Variants in RSRC1 observed in about 807,000 individuals in gnomAD.
The protein encoded by RSRC1 is serine/Arginine-related protein 53.
In RSRC1, 39 loss-of-function variants were observed where a neutral mutation model predicts 49.1. The observed-to-expected ratio is 0.79, with a 90% CI of 0.61 to 1.04. The LOEUF is 1.04. RSRC1 is among the 50% of genes least tolerant of loss of function. The pLI is 0.00. For synonymous variants in RSRC1, 143 were observed against 130.8 expected, an observed-to-expected ratio of 1.09 and a Z score of -0.63; for missense variants, 388 against 402.4, an observed-to-expected ratio of 0.96 and a Z score of 0.31.
chr3:158,218,522 G>A (rs1391962381), intron 4 of RSRC1, among the ~76,000 whole-genome samples: 1 of 151,686 alleles, frequency 6.6e-6, no homozygotes, highest in Admixed American at 6.6e-5. Flanking sequence ...TACATTGGAA[G>A]ATGGCAGGGT....
At chr3:158,414,726 A>G (rs1398848087) in intron 6 of RSRC1, among the ~76,000 whole-genome samples, 3 of 141,712 alleles carry the variant, frequency 2.1e-5, no homozygotes, top group Middle Eastern at 3.5e-3. Flanking sequence ...TGTTTCTTAG[A>G]AAAAAAAATA....
At chr3:158,225,656 G>T in intron 4 of RSRC1, 1 of 450,546 alleles carries the variant, frequency 2.2e-6, no homozygotes, top group Non-Finnish European at 4.4e-6. Flanking sequence ...CTTTCTCACA[G>T]ATTTCACCAA....
chr3:158,467,134 C>T (rs181097017), intron 7 of RSRC1, among the ~76,000 whole-genome samples: 8 of 152,250 alleles, frequency 5.3e-5, no homozygotes, highest in East Asian at 3.9e-4. Context: ...AAGAGTATGA[C>T]GATTATTCTT....
chr3:158,160,747 A>G (rs1022337965), intron 3 of RSRC1, among the ~76,000 whole-genome samples: 3 of 152,198 alleles, frequency 2.0e-5, no homozygotes, highest in African/African-American at 7.2e-5. Context: ...AAATAGCTTG[A>G]CTTCAAGAAG....
intron 3 of RSRC1, among the ~76,000 whole-genome samples, chr3:158,185,386 A>G (rs534355581): frequency 1.3e-5 from 2 of 151,946 alleles, no homozygotes; most frequent in African/African-American, 4.8e-5. Context: ...TATTTTGGAA[A>G]ATTGTCATTT....
Position 158,262,752 on chromosome 3 carries a change from G to A in RSRC1, c.495-35287G>A, listed in dbSNP as rs183290808. On this transcript the variant is annotated intron_variant, in intron 4 of 9. Transcript: ENST00000611884. ...AAATTTTTTTCACCAATATTTTGTAGCATATACTTTAGAAGGTCTCTGACA... is the reference window on the plus strand; with the variant it reads ...AAATTTTTTTCACCAATATTTTGTAACATATACTTTAGAAGGTCTCTGACA... 7.9e-5 allele frequency among the ~76,000 whole-genome samples: 12 copies of A among 151,804 alleles called. No homozygotes were observed. In the East Asian group the frequency reaches 2.1e-3, roughly 27 times the overall value.
chr3:158,146,973 C>T (rs144389741), intron 3 of RSRC1, among the ~76,000 whole-genome samples: 123 of 152,066 alleles, frequency 8.1e-4, no homozygotes, highest in African/African-American at 2.8e-3. Flanking sequence ...AATATATACA[C>T]AGTACCTAGA....
At chr3:158,485,879 AT>A (rs1738799003) in intron 7 of RSRC1, among the ~76,000 whole-genome samples, 1 of 152,264 alleles carries the variant, frequency 6.6e-6, no homozygotes, top group South Asian at 2.1e-4. Context: ...ATTAAAAAGA[AT>A]TTTCTACCTG....
chr3:158,220,176 G>A (rs190491538), intron 4 of RSRC1, among the ~76,000 whole-genome samples: 12 of 151,754 alleles, frequency 7.9e-5, no homozygotes, highest in Non-Finnish European at 1.3e-4. Flanking sequence ...GTTTGTATCC[G>A]TGGCTCACTG....
chr3:158,411,492 TATATC>T, intron 6 of RSRC1, among the ~76,000 whole-genome samples: 2 of 149,744 alleles, frequency 1.3e-5, no homozygotes. Flanking sequence ...TAGCCAAACT[TATATC>T]ATTCTACTTT....
At chr3:158,264,148 AG>A in intron 4 of RSRC1, among the ~76,000 whole-genome samples, 1 of 152,028 alleles carries the variant, frequency 6.6e-6, no homozygotes, top group Admixed American at 6.6e-5. Context: ...CCAGCCTTTC[AG>A]CTTTTCTCAT....
chr3:158,398,964 C>G (rs1163260464), intron 6 of RSRC1, among the ~76,000 whole-genome samples: 1 of 151,570 alleles, frequency 6.6e-6, no homozygotes, highest in Non-Finnish European at 1.5e-5. Flanking sequence ...ATATATTTAT[C>G]AATGTGTGTT....
At chr3:158,169,337 TTAA>T (rs891126796) in intron 3 of RSRC1, among the ~76,000 whole-genome samples, 9 of 152,232 alleles carry the variant, frequency 5.9e-5, no homozygotes, top group African/African-American at 2.2e-4. Flanking sequence ...TTCACAAATA[TTAA>T]TGACTCCTGC....
intron 3 of RSRC1, among the ~76,000 whole-genome samples, chr3:158,129,517 C>T (rs890211323): frequency 6.6e-6 from 1 of 151,958 alleles, no homozygotes; most frequent in Non-Finnish European, 1.5e-5. Flanking sequence ...TCTTGAACTC[C>T]TGACCTCAAG....
At chr3:158,459,011 T>A (rs1423270548) in intron 6 of RSRC1, among the ~76,000 whole-genome samples, 1 of 152,088 alleles carries the variant, frequency 6.6e-6, no homozygotes, top group Non-Finnish European at 1.5e-5. Context: ...CTCAGATTCT[T>A]TATGGAGGAC....
At chr3:158,322,718 T>A (rs1728833359) in intron 5 of RSRC1, among the ~76,000 whole-genome samples, 1 of 152,190 alleles carries the variant, frequency 6.6e-6, no homozygotes, top group South Asian at 2.1e-4. Context: ...TCTTTTCTCC[T>A]TCTAGGACTT....
Position 158,394,479 on chromosome 3 carries a change from G to T in RSRC1, c.583+39571G>T, listed in dbSNP as rs564587403. On this transcript the variant is annotated intron_variant, in intron 6 of 9. Transcript: ENST00000611884. ...AAGTCATTTGAATTTCCAGAATCTGGAGTTTCAGCAAACTTCCAGGATACA... is the reference window on the plus strand; with the variant it reads ...AAGTCATTTGAATTTCCAGAATCTGTAGTTTCAGCAAACTTCCAGGATACA... Among the ~76,000 whole-genome samples, 4 of 151,416 alleles carry T rather than the reference G, an allele frequency of 2.6e-5. No homozygotes were observed. The South Asian group carries it at 8.3e-4, about 31-fold the overall frequency.
rs549982244 is a variant in RSRC1 at position 158,279,400 on chromosome 3, A to AT, written c.495-18633dup. Among the ~76,000 whole-genome samples, 444 of 152,258 alleles carry AT rather than the reference A, an allele frequency of 2.9e-3. 1 individual carries two copies. The highest frequency in any genetic ancestry group is 5.2e-3 in the Non-Finnish European group (356 of 68,002). ...TGTGTCAGGAAATGTTATTCTTTTGATTTTTTCCCAGACATTTAAGAATGT... is the reference window on the plus strand; with the variant it reads ...TGTGTCAGGAAATGTTATTCTTTTGATTTTTTTCCCAGACATTTAAGAATGT... On this transcript the variant is annotated intron_variant, in intron 4 of 9. Transcript: ENST00000611884.
At chr3:158,513,293 A>G (rs1578563244) in intron 7 of RSRC1, among the ~76,000 whole-genome samples, 1 of 151,762 alleles carries the variant, frequency 6.6e-6, no homozygotes, top group Non-Finnish European at 1.5e-5. Flanking sequence ...ACGTCCCATC[A>G]ATACCCAATT....
Sources: allele counts gnomAD v4.1 joint callset (sites outside exome capture counted in the v4.1 genomes callset), GRCh38; gene constraint gnomAD v4.1.1; transcripts MANE v1.5; gene names NCBI Gene and HGNC (gene_info 2026-07-23, HGNC 2026-07-21).